The following MED13 variants were observed in gnomAD, a reference collection of about 807,000 sequenced individuals.
MED13 encodes mediator of RNA polymerase II transcription subunit 13.
Under a neutral mutation model 225.2 loss-of-function variants are expected in MED13, and 23 were observed. The observed-to-expected ratio is 0.10, with a 90% CI of 0.07 to 0.14. The LOEUF (loss-of-function observed/expected upper bound fraction) is 0.14. Ranked by LOEUF, MED13 falls within the 10% of genes least tolerant of loss-of-function variation. The pLI, the probability that MED13 is intolerant of heterozygous loss-of-function variation, is 1.00. For synonymous variants in MED13, 942 were observed against 889.2 expected, an observed-to-expected ratio of 1.06 and a Z score of -1.06; for missense variants, 2,197 against 2,594.5, an observed-to-expected ratio of 0.85 and a Z score of 3.33.
chr17:61,948,376 T>C (rs2079868023), intron 28 of MED13, among the ~76,000 whole-genome samples: 1 of 152,200 alleles, frequency 6.6e-6, no homozygotes, highest in Non-Finnish European at 1.5e-5. Context: ...GATAGTCCCT[T>C]GGACTTTTTG....
chr17:62,022,906 A>G (rs2080663232), intron 8 of MED13, among the ~76,000 whole-genome samples: 1 of 152,102 alleles, frequency 6.6e-6, no homozygotes, highest in South Asian at 2.1e-4. Flanking sequence ...GCTAGTTGGG[A>G]GACTGAGGCA....
At position 61,976,368 on chromosome 17, in the gene MED13, G is replaced by A. The variant is rs532748458; in HGVS notation, c.3806-3480C>T. Among the ~76,000 whole-genome samples the A allele has an allele frequency of 2.6e-5, 4 of 152,300 alleles. No homozygotes were observed. In the South Asian group the frequency reaches 8.3e-4, roughly 32 times the overall value. ...CAAAAGCGGCAAATCTAGAGAGACAGAAAATAGACTTAGTGGTTGTCTATA... is the reference window on the plus strand; with the variant it reads ...CAAAAGCGGCAAATCTAGAGAGACAAAAAATAGACTTAGTGGTTGTCTATA... On this transcript the variant is annotated intron_variant, in intron 16 of 29. Transcript: ENST00000397786.
Position 62,063,079 on chromosome 17 carries a change from G to T in MED13, c.289C>A (p.His97Asn). The T allele has an allele frequency of 6.2e-7, 1 of 1,613,188 alleles. No homozygotes were observed. Among genetic ancestry groups the T allele is most frequent in the East Asian group, 2.2e-5 (1 of 44,872 alleles). Residue 97 changes from histidine to asparagine, a missense_variant, in exon 2 of 30, where the codon CAT (histidine) becomes AAT (asparagine). Around this residue, in one of 12 missense-constraint regions of MED13, gnomAD observed 884 missense variants for 918.5 expected, o/e 0.96. Coordinates refer to ENST00000397786, the MANE Select transcript of MED13 (RefSeq NM_005121.3). ...AAGTTTCTTTCACCTGATAAGTCAT[G>T]GTGAATAAGGTCAGCAAAACTGGGG... is the stretch of plus-strand genomic sequence containing the variant. ...EDPSFADLIH[H>N]DLSEEEDGVW...
At chr17:61,971,839 CAGG>C (rs1207651389) in intron 17 of MED13, among the ~76,000 whole-genome samples, 3 of 151,946 alleles carry the variant, frequency 2.0e-5, no homozygotes, top group Non-Finnish European at 4.4e-5. Context: ...GAGGCTAAGC[CAGG>C]AGAATTGTGT....
At chr17:62,040,296 T>C (rs2080842364) in intron 3 of MED13, among the ~76,000 whole-genome samples, 1 of 152,198 alleles carries the variant, frequency 6.6e-6, no homozygotes, top group African/African-American at 2.4e-5. Context: ...TATAAAGGAT[T>C]GCAGAGAATA....
At chr17:62,063,388 AC>A in intron 1 of MED13, 87 bp from the exon 2 acceptor site, 1 of 860,206 alleles carries the variant, frequency 1.2e-6, no homozygotes, top group East Asian at 2.4e-5. Flanking sequence ...TTTCATTAAG[AC>A]ATTACAATTT....
chr17:62,056,335 A>G (rs1164241911), intron 2 of MED13, among the ~76,000 whole-genome samples: 1 of 152,224 alleles, frequency 6.6e-6, no homozygotes, highest in East Asian at 1.9e-4. Flanking sequence ...ACTAATTGAA[A>G]CAAGTTCTTG....
chr17:61,986,713 T>C (rs2080251042), intron 12 of MED13, among the ~76,000 whole-genome samples: 1 of 152,140 alleles, frequency 6.6e-6, no homozygotes, highest in African/African-American at 2.4e-5. Flanking sequence ...ATAATTCTGC[T>C]TCCTAAAACT....
chr17:62,050,864 G>T (rs1244405204), intron 3 of MED13, among the ~76,000 whole-genome samples: 4 of 152,108 alleles, frequency 2.6e-5, no homozygotes, highest in Non-Finnish European at 5.9e-5. Context: ...AATTAGCCAG[G>T]TGTGGTGGCA....
chr17:62,055,387 C>G (rs1162897246), intron 2 of MED13, among the ~76,000 whole-genome samples: 1 of 149,448 alleles, frequency 6.7e-6, no homozygotes, highest in Non-Finnish European at 1.5e-5. Flanking sequence ...GAGACTCTGA[C>G]TCAAAAAAAC....
intron 2 of MED13, among the ~76,000 whole-genome samples, chr17:62,061,909 ACT>A (rs1312537440): frequency 6.6e-6 from 1 of 152,220 alleles, no homozygotes; most frequent in African/African-American, 2.4e-5. Context: ...AATTGCAGTC[ACT>A]CTCAAAAATA....
At chr17:61,990,267 T>A (rs1201066743) in intron 11 of MED13, among the ~76,000 whole-genome samples, 1 of 152,126 alleles carries the variant, frequency 6.6e-6, no homozygotes, top group Non-Finnish European at 1.5e-5. Flanking sequence ...AACAGCTTGA[T>A]CTACCCATTC....
At chr17:62,059,775 G>C (rs912905114) in intron 2 of MED13, among the ~76,000 whole-genome samples, 2 of 152,110 alleles carry the variant, frequency 1.3e-5, no homozygotes, top group African/African-American at 2.4e-5. Context: ...TATTCCATCT[G>C]AAAAAACCTT....
intron 28 of MED13, 134 bp from the exon 29 acceptor site, chr17:61,947,151 T>A: frequency 1.9e-6 from 1 of 534,328 alleles, no homozygotes; most frequent in African/African-American, 2.0e-5. Context: ...TGAAAGCCAC[T>A]ATAAAAATGC....
At chr17:62,022,197 T>A (rs2080655758) in intron 8 of MED13, among the ~76,000 whole-genome samples, 1 of 141,462 alleles carries the variant, frequency 7.1e-6, no homozygotes, top group African/African-American at 2.5e-5. Context: ...ATATATATAT[T>A]CTTAAAAACA....
rs752573407 is a variant in MED13 at position 61,965,046 on chromosome 17, A to G, written c.4804T>C (p.Ser1602Pro). 3 of 1,614,122 alleles carry G rather than the reference A, an allele frequency of 1.9e-6. No individual in the cohort carries two copies. Among genetic ancestry groups the G allele is most frequent in the Non-Finnish European group, 2.5e-6 (3 of 1,179,984 alleles). Residue 1602 changes from serine to proline, a missense_variant, in exon 20 of 30, where the codon TCT becomes CCT. By Grantham distance (74) the Ser-to-Pro change is moderately conservative (BLOSUM62 -1). Transcript: ENST00000397786. ...GGATGCGGCTGAGTGGGAAGTGAAG[A>G]TGATTCTCCAGAAATCCCAGCTGTC... ...LQTAGISGES[S>P]SLPTQPHPDV...
At position 61,955,845 on chromosome 17, in the gene MED13, G is replaced by T. The variant is rs751874372; in HGVS notation, c.5624-7C>A. 7.9e-7 allele frequency: 1 copy of T among 1,272,270 alleles called. No individual in the cohort carries two copies. The highest frequency in any genetic ancestry group is 3.1e-5 in the East Asian group (1 of 31,918). 78.8% of individuals were successfully genotyped at this position (1,272,270 alleles called of 1,614,324 possible). On this transcript the variant is annotated splice_region_variant and splice_polypyrimidine_tract_variant and intron_variant, in intron 24 of 29. Transcript: ENST00000397786. Reference sequence around the variant, plus strand: ...CTCAGCAAACAGCTCCAATCTGTGGGTATCAACAGTAAAAAAAAAAAAAAA... The same window carrying T: ...CTCAGCAAACAGCTCCAATCTGTGGTTATCAACAGTAAAAAAAAAAAAAAA...
At chr17:62,057,911 G>A (rs576103062) in intron 2 of MED13, among the ~76,000 whole-genome samples, 2 of 152,266 alleles carry the variant, frequency 1.3e-5, no homozygotes, top group South Asian at 4.1e-4. Flanking sequence ...ACAAATGGGA[G>A]AGGACGCAGT....
intron 9 of MED13, among the ~76,000 whole-genome samples, chr17:61,996,378 C>T (rs2080346966): frequency 6.6e-6 from 1 of 152,186 alleles, no homozygotes; most frequent in African/African-American, 2.4e-5. Flanking sequence ...GCCAAGCTTG[C>T]AGTCAGATCA....
Sources: allele counts gnomAD v4.1 joint callset (sites outside exome capture counted in the v4.1 genomes callset), GRCh38; gene constraint gnomAD v4.1.1; regional missense constraint gnomAD v4.1.1; transcripts MANE v1.5; gene names NCBI Gene and HGNC (gene_info 2026-07-23, HGNC 2026-07-21).